Variants in PPM1A observed in about 807,000 individuals in gnomAD.
PPM1A encodes protein phosphatase 1A.
Under a neutral mutation model 35.0 loss-of-function variants are expected in PPM1A, and 7 were observed. The ratio of observed to expected loss-of-function variants is 0.20; its 90% CI spans 0.11 to 0.38. The LOEUF (loss-of-function observed/expected upper bound fraction) is 0.38. Ranked by LOEUF, PPM1A falls within the 10% of genes least tolerant of loss-of-function variation. The pLI, the probability that PPM1A is intolerant of heterozygous loss-of-function variation, is 1.00. For synonymous variants in PPM1A, 153 were observed against 167.3 expected, an observed-to-expected ratio of 0.91 and a Z score of 0.66; for missense variants, 239 against 467.8, an observed-to-expected ratio of 0.51 and a Z score of 4.51.
intron 4 of PPM1A, among the ~76,000 whole-genome samples, chr14:60,290,706 A>T (rs1887540167): frequency 6.6e-6 from 1 of 152,102 alleles, no homozygotes; most frequent in African/African-American, 2.4e-5. Flanking sequence ...GTGTTTTGCA[A>T]GTGTGACCAT....
chr14:60,268,211 T>C (rs1334300349), intron 1 of PPM1A: 3 of 794,026 alleles, frequency 3.8e-6, no homozygotes, highest in Non-Finnish European at 4.6e-6. Flanking sequence ...AGTGGTTCTT[T>C]AGTCTTTTTG....
chr14:60,246,068 G>GTTGAACCTATGTTCTGGTTGGC (rs1566559548), upstream of PPM1A: 4 of 1,548,054 alleles, frequency 2.6e-6, no homozygotes, highest in Non-Finnish European at 3.5e-6. Flanking sequence ...GGAAGGAATT[G>GTTGAACCTATGTTCTGGTTGGC]TTGAACCTAT....
chr14:60,268,447 C>CT (rs1478565569), intron 1 of PPM1A: 6 of 947,654 alleles, frequency 6.3e-6, no homozygotes, highest in Non-Finnish European at 7.5e-6. Flanking sequence ...TGAGTATAGC[C>CT]TGTTTGGCTT....
rs754165526 is a variant in PPM1A at position 60,282,647 on chromosome 14, G to A, written c.-20-37G>A. ...TGTTTGGTACATATTTTGTTTATAA[G>A]ACAGTTATTGACTTTCCTGTTTCTC... On this transcript the variant is annotated intron_variant, in intron 1 of 5. Coordinates refer to ENST00000395076, the MANE Select transcript of PPM1A (RefSeq NM_021003.5). This position sits in a 1 kb window ranked among gnomAD's most constrained non-coding sequence, Gnocchi z 5.1. The A allele has an allele frequency of 1.3e-6, 2 of 1,585,400 alleles. No individual in the cohort carries two copies. The highest frequency in any genetic ancestry group is 1.7e-6 in the Non-Finnish European group (2 of 1,165,444).
intron 1 of PPM1A, chr14:60,267,384 A>T (rs1884516321): frequency 1.3e-5 from 2 of 152,156 alleles, no homozygotes; most frequent in African/African-American, 4.8e-5. Flanking sequence ...TAAAAAGATG[A>T]CTTACATTAG....
chr14:60,284,924 A>AT (rs1477947198), intron 2 of PPM1A, among the ~76,000 whole-genome samples: 17 of 151,566 alleles, frequency 1.1e-4, no homozygotes, highest in African/African-American at 3.6e-4. Flanking sequence ...TTATTCTTTG[A>AT]TGTTTTTTTA....
rs987046593 is a variant in PPM1A, at chr14:60,286,329, A to T, written c.952+588A>T. 7 of 985,848 alleles carry T rather than the reference A, an allele frequency of 7.1e-6. No individual in the cohort carries two copies. The South Asian group carries it at 3.3e-4, about 46-fold the overall frequency. 61.1% of individuals were successfully genotyped at this position (985,848 alleles called of 1,614,324 possible). On this transcript the variant is annotated intron_variant, in intron 3 of 5. Transcript: ENST00000395076. ...ACATAATATTTCTCCACCTGGCAGA[A>T]AAGTAACTGCCAAGTAAGATTAAGA...
Position 60,289,703 on chromosome 14 carries a change from A to G in PPM1A, c.953-103A>G. ...TGATACCAGATTAGAAAAATCTCAG[A>G]TGTGGTAAATGCCATCTTTAAAAAG... is the stretch of plus-strand genomic sequence containing the variant. On this transcript the variant is annotated intron_variant, in intron 3 of 5. Coordinates refer to ENST00000395076, the MANE Select transcript of PPM1A (RefSeq NM_021003.5). The surrounding 1 kb of genome is among the most constrained non-coding windows in gnomAD (Gnocchi z 4.1). 1 of 677,992 alleles carries G rather than the reference A, an allele frequency of 1.5e-6. No individual in the cohort carries two copies. Among genetic ancestry groups the G allele is most frequent in the Non-Finnish European group, 2.5e-6 (1 of 398,564 alleles). 42.0% of individuals were successfully genotyped at this position (677,992 alleles called of 1,614,324 possible).
At chr14:60,248,250 C>G (rs7359079), upstream of PPM1A, among the ~76,000 whole-genome samples, 2,590 of 152,358 alleles carry the variant, frequency 0.017, 63 homozygotes, top group African/African-American at 0.059. Context: ...TTTAGCTCAT[C>G]TCTACCTCTT....
At chr14:60,246,025 G>T, upstream of PPM1A, 3 of 1,578,376 alleles carry the variant, frequency 1.9e-6, no homozygotes, top group South Asian at 2.4e-5. Context: ...GAGGATGTGT[G>T]AGAGAAAAAA....
At position 60,282,889 on chromosome 14, in the gene PPM1A, T is replaced by C. The variant is rs1228522720; in HGVS notation, c.186T>C (p.His62=). 6.2e-7 allele frequency: 1 copy of C among 1,614,244 alleles called. No individual in the cohort carries two copies. The highest frequency in any genetic ancestry group is 2.2e-5 in the East Asian group (1 of 44,882). Residue 62 remains histidine (H), a synonymous_variant, in exon 2 of 6, where the codon CAT becomes CAC. Transcript: ENST00000395076. This position sits in a 1 kb window ranked among gnomAD's most constrained non-coding sequence, Gnocchi z 5.1. ...SWSFFAVYDG[H]AGSQVAKYCC... ...CATTCTTTGCTGTGTATGATGGGCATGCTGGTTCTCAGGTTGCCAAATACT... is the reference window on the plus strand; with the variant it reads ...CATTCTTTGCTGTGTATGATGGGCACGCTGGTTCTCAGGTTGCCAAATACT...
Position 60,249,596 on chromosome 14 carries a change from CGCCGCCGCGGTGACCCCCTCCCCGGCT to C in PPM1A, c.-93_-67del. On this transcript the variant is annotated 5_prime_UTR_variant, in exon 1 of 6. Transcript: ENST00000395076. This position sits in a 1 kb window ranked among gnomAD's most constrained non-coding sequence, Gnocchi z 4.5. ...TGACCCCTCCCCCGGCTGCCGCCGT[CGCCGCCGCGGTGACCCCCTCCCCGGCT>C]GCCGCCGCCGCCGCCTCGGCCGACC... 1 of 987,506 alleles carries C rather than the reference CGCCGCCGCGGTGACCCCCTCCCCGGCT, an allele frequency of 1.0e-6. No individual in the cohort carries two copies. Among genetic ancestry groups the C allele is most frequent in the Non-Finnish European group, 1.2e-6 (1 of 831,848 alleles). 61.2% of individuals were successfully genotyped at this position (987,506 alleles called of 1,614,324 possible).
rs1887437716 is a variant in PPM1A at position 60,289,798 on chromosome 14, A to T, written c.953-8A>T. The T allele has an allele frequency of 1.9e-6, 3 of 1,592,604 alleles. No homozygotes were observed. The highest frequency in any genetic ancestry group is 2.6e-6 in the Non-Finnish European group (3 of 1,163,674). ...AACACTTACAAAAAAAGTACTTCTGATTCCCAGAAATCATAAAGAAGCAGG... is the reference window on the plus strand; with the variant it reads ...AACACTTACAAAAAAAGTACTTCTGTTTCCCAGAAATCATAAAGAAGCAGG... On this transcript the variant is annotated splice_polypyrimidine_tract_variant and splice_region_variant and intron_variant, in intron 3 of 5. Coordinates refer to ENST00000395076, the MANE Select transcript of PPM1A (RefSeq NM_021003.5). The surrounding 1 kb of genome is among the most constrained non-coding windows in gnomAD (Gnocchi z 4.1).
upstream of PPM1A, among the ~76,000 whole-genome samples, chr14:60,247,627 C>CAAAA (rs58749853): frequency 2.4e-4 from 12 of 50,174 alleles, no homozygotes; most frequent in East Asian, 8.4e-4. Context: ...GACTCTGTCT[C>CAAAA]AAAAAAAAAA....
At chr14:60,258,579 A>C (rs1883398566) in intron 1 of PPM1A, among the ~76,000 whole-genome samples, 1 of 152,150 alleles carries the variant, frequency 6.6e-6, no homozygotes, top group African/African-American at 2.4e-5. Context: ...AGTTTTGATT[A>C]AGCCGTAGAT....
chr14:60,246,100 CT>C (rs1566559596), upstream of PPM1A: 3 of 1,470,366 alleles, frequency 2.0e-6, no homozygotes, highest in Non-Finnish European at 2.7e-6. Context: ...CTTTCTAACT[CT>C]TGAGTAGTGA....
rs918315842 is a variant in PPM1A, at chr14:60,293,281, T to C, written c.*799T>C. Reference sequence around the variant, plus strand: ...CCACATTTTTGCTATCATGATTGGCTGGGCCTGCTGCTGTTCCTAGTAAGA... The same window carrying C: ...CCACATTTTTGCTATCATGATTGGCCGGGCCTGCTGCTGTTCCTAGTAAGA... On this transcript the variant is annotated 3_prime_UTR_variant, in exon 6 of 6. Coordinates refer to ENST00000395076, the MANE Select transcript of PPM1A (RefSeq NM_021003.5). This position sits in a 1 kb window ranked among gnomAD's most constrained non-coding sequence, Gnocchi z 4.0. 1 of 152,086 alleles carries C rather than the reference T, an allele frequency of 6.6e-6. No individual in the cohort carries two copies. Among genetic ancestry groups the C allele is most frequent in the Non-Finnish European group, 1.5e-5 (1 of 67,966 alleles). 9.4% of individuals were successfully genotyped at this position (152,086 alleles called of 1,614,324 possible). A position where few individuals can be genotyped will look rare whatever the true frequency, so the allele number is the denominator to read the frequency against.
Position 60,249,869 on chromosome 14 carries a change from C to T in PPM1A, c.-21+192C>T, listed in dbSNP as rs1392876240. Among the ~76,000 whole-genome samples the T allele has an allele frequency of 6.6e-6, 1 of 151,392 alleles. No homozygotes were observed. Among genetic ancestry groups the T allele is most frequent in the African/African-American group, 2.4e-5 (1 of 41,312 alleles). ...GGCGGCGGACGGCGAGGGGTTAACG[C>T]TCGGCGAGGGCGGTGGCGGGGAGGC... On this transcript the variant is annotated intron_variant, in intron 1 of 5. Transcript: ENST00000395076. The surrounding 1 kb of genome is among the most constrained non-coding windows in gnomAD (Gnocchi z 4.5).
At position 60,296,580 on chromosome 14, in the gene PPM1A, C is replaced by G; in HGVS notation, c.*4098C>G. 3.1e-6 allele frequency: 1 copy of G among 322,774 alleles called. No individual in the cohort carries two copies. Among genetic ancestry groups the G allele is most frequent in the Admixed American group, 5.1e-5 (1 of 19,740 alleles). The allele number at this position is 322,774 out of a possible 1,614,324, so 20.0% of individuals were successfully genotyped here. ...AGTTTTTCTTTTAGGCATTAGGAAG[C>G]CTTCTTTAGAGTTCAAAATTTTAGA... On this transcript the variant is annotated 3_prime_UTR_variant, in exon 6 of 6. Coordinates refer to ENST00000395076, the MANE Select transcript of PPM1A (RefSeq NM_021003.5). The surrounding 1 kb of genome is among the most constrained non-coding windows in gnomAD (Gnocchi z 4.4).
Sources: gnomAD v4.1 joint callset for allele counts (sites outside exome capture counted in the v4.1 genomes callset) on GRCh38, gnomAD v4.1.1 for gene constraint, Gnocchi (gnomAD v3.1) non-coding constraint, MANE v1.5 for transcripts, NCBI Gene and HGNC (gene_info 2026-07-23, HGNC 2026-07-21) for gene names.